Variants in LCAT observed in about 807,000 individuals in gnomAD.
LCAT encodes phosphatidylcholine-sterol acyltransferase.
Under a neutral mutation model 41.0 loss-of-function variants are expected in LCAT, and 15 were observed. The ratio of observed to expected loss-of-function variants is 0.37; its 90% CI spans 0.24 to 0.56. The LOEUF (loss-of-function observed/expected upper bound fraction) is 0.56, where lower values mean the gene tolerates loss of function less well. Ranked by LOEUF, LCAT falls within the 20% of genes least tolerant of loss-of-function variation. The pLI is 0.81. For missense variants in LCAT, 449 were observed against 595.1 expected (o/e 0.75, Z 2.55); for synonymous variants, 248 against 245.4 (o/e 1.01, Z -0.10).
In LCAT at chr16:67,940,277, A is replaced by G; in HGVS notation, c.950T>C (p.Met317Thr). 1 of 1,614,032 alleles carries G rather than the reference A, an allele frequency of 6.2e-7. No individual in the cohort carries two copies. The highest frequency in any genetic ancestry group is 8.5e-7 in the Non-Finnish European group (1 of 1,180,030). The stretch of plus-strand genomic sequence containing the variant: ...CAGGAGGTCACGTGACTGCAGCCAC[A>G]TGTACCAGCCTTCCTCAAAGTGCAG... ...ADLHFEEGWY[M>T]WLQSRDLLAG... The change falls in exon 6 of 6, where the codon ATG becomes ACG. Residue 317 changes from methionine (M) to threonine (T), a missense_variant. Transcript: ENST00000264005.
chr16:67,943,810 C>T lies in LCAT; in HGVS notation c.154+138G>A. On this transcript the variant is annotated intron_variant, in intron 1 of 5. Transcript: ENST00000264005. This position sits in a 1 kb window ranked among gnomAD's most constrained non-coding sequence, Gnocchi z 4.6. Reference sequence around the variant, plus strand: ...TTCCTCTAAGGGACAAGCTTTTGGCCCCTCCCCACACCAGGGCAGGTACTT... The same window carrying T: ...TTCCTCTAAGGGACAAGCTTTTGGCTCCTCCCCACACCAGGGCAGGTACTT... 2 of 803,944 alleles carry T rather than the reference C, an allele frequency of 2.5e-6. No homozygotes were observed. The highest frequency in any genetic ancestry group is 1.9e-6 in the Non-Finnish European group (1 of 517,446). The allele number at this position is 803,944 out of a possible 1,614,324, so 49.8% of individuals were successfully genotyped here. A position where few individuals can be genotyped will look rare whatever the true frequency, so the allele number is the denominator to read the frequency against.
rs988785013 is a variant in LCAT at position 67,943,717 on chromosome 16, C to T, written c.154+231G>A. On this transcript the variant is annotated intron_variant, in intron 1 of 5. Transcript: ENST00000264005. The surrounding 1 kb of genome is among the most constrained non-coding windows in gnomAD (Gnocchi z 4.6). ...CCCAGCCAAGACCTCAGGCACACCC[C>T]GTCCCCCACTCCGCCCCCCCTGGGT... 3.7e-5 allele frequency: 21 copies of T among 567,028 alleles called. No homozygotes were observed. The East Asian group carries it at 4.6e-4, about 13-fold the overall frequency. 35.1% of individuals were successfully genotyped at this position (567,028 alleles called of 1,614,324 possible). A position where few individuals can be genotyped will look rare whatever the true frequency, so the allele number is the denominator to read the frequency against.
Position 67,940,196 on chromosome 16 carries a change from G to T in LCAT, c.1031C>A (p.Pro344His), listed in dbSNP as rs771761885. Residue 344 changes from proline (P) to histidine (H), a missense_variant, in exon 6 of 6, where the codon CCC becomes CAC. By Grantham distance (77) the Pro-to-His change is moderately conservative (BLOSUM62 -2). Coordinates refer to ENST00000264005, the MANE Select transcript of LCAT (RefSeq NM_000229.2). ...EVYCLYGVGL[P>H]TPRTYIYDHG... ...GTCGTAGATGTAGGTGCGGGGCGTG[G>T]GCAGGCCCACGCCGTAAAGACAGTA... is the stretch of plus-strand genomic sequence containing the variant. 3 of 1,612,696 alleles carry T rather than the reference G, an allele frequency of 1.9e-6. No individual in the cohort carries two copies. Among genetic ancestry groups the T allele is most frequent in the Non-Finnish European group, 1.7e-6 (2 of 1,179,908 alleles).
At position 67,940,018 on chromosome 16, in the gene LCAT, G is replaced by A. The variant is rs2058283628; in HGVS notation, c.1209C>T (p.Asn403=). Residue 403 remains asparagine, a synonymous_variant, in exon 6 of 6, where the codon AAC becomes AAT. Coordinates refer to ENST00000264005, the MANE Select transcript of LCAT (RefSeq NM_000229.2). ...CCAGGGTCAGGTTGCTGAAGACCATGTTGAGATGCTGTATCCCGTGCAGGG... is the reference window on the plus strand; with the variant it reads ...CCAGGGTCAGGTTGCTGAAGACCATATTGAGATGCTGTATCCCGTGCAGGG... ...LLPLHGIQHL[N]MVFSNLTLEH... is the part of the protein sequence containing the mutation. 1 of 1,613,554 alleles carries A rather than the reference G, an allele frequency of 6.2e-7. No homozygotes were observed. Among genetic ancestry groups the A allele is most frequent in the South Asian group, 1.1e-5 (1 of 91,090 alleles).
intron 5 of LCAT, chr16:67,941,994 C>A (rs1430366960): frequency 8.3e-7 from 1 of 1,204,164 alleles, no homozygotes; most frequent in Non-Finnish European, 1.0e-6. Context: ...CTGGCCCTAG[C>A]TCTGGCAGAT....
intron 5 of LCAT, chr16:67,941,640 G>A (rs2151320430): frequency 8.1e-6 from 8 of 985,258 alleles, no homozygotes; most frequent in South Asian, 4.7e-5. Context: ...AGTAGGCGGG[G>A]CTTCCTGAGG....
At position 67,942,649 on chromosome 16, in the gene LCAT, G is replaced by A. The variant is rs186409655; in HGVS notation, c.523+22C>T. 1,041 of 1,612,788 alleles carry A rather than the reference G, an allele frequency of 6.5e-4. 19 individuals carry two copies. The East Asian group carries it at 0.022, about 33-fold the overall frequency. On this transcript the variant is annotated intron_variant, in intron 4 of 5. Transcript: ENST00000264005. This position sits in a 1 kb window ranked among gnomAD's most constrained non-coding sequence, Gnocchi z 6.6. The stretch of plus-strand genomic sequence containing the variant: ...TGGGGCACCTGCCCCACCCCAAGCC[G>A]GTCATCCGCAGAGACACTCACCGGG...
In LCAT at chr16:67,943,378, T is replaced by G; in HGVS notation, c.155-166A>C. 3.2e-6 allele frequency: 2 copies of G among 632,964 alleles called. No individual in the cohort carries two copies. Among genetic ancestry groups the G allele is most frequent in the East Asian group, 3.2e-5 (1 of 31,552 alleles). 39.2% of individuals were successfully genotyped at this position (632,964 alleles called of 1,614,324 possible). On this transcript the variant is annotated intron_variant, in intron 1 of 5. Coordinates refer to ENST00000264005, the MANE Select transcript of LCAT (RefSeq NM_000229.2). The surrounding 1 kb of genome is among the most constrained non-coding windows in gnomAD (Gnocchi z 4.6). The stretch of plus-strand genomic sequence containing the variant: ...CTGCTTACACCCCCTCTCCCTGCTG[T>G]CCCCCCAGTAGCCAAAGCCCAGGCT...
chr16:67,940,185 T>C lies in LCAT; in HGVS notation c.1042A>G (p.Thr348Ala). 1.2e-6 allele frequency: 2 copies of C among 1,611,868 alleles called. No individual in the cohort carries two copies. The highest frequency in any genetic ancestry group is 1.7e-6 in the Non-Finnish European group (2 of 1,179,630). ...GGGAAGCCGTGGTCGTAGATGTAGG[T>C]GCGGGGCGTGGGCAGGCCCACGCCG... is the stretch of plus-strand genomic sequence containing the variant. ...LYGVGLPTPR[T>A]YIYDHGFPYT... The change falls in exon 6 of 6, where the codon ACC becomes GCC. Residue 348 changes from threonine to alanine, a missense_variant. Transcript: ENST00000264005.
At chr16:67,941,015 T>C (rs771337729) in intron 5 of LCAT, among the ~76,000 whole-genome samples, 2 of 150,614 alleles carry the variant, frequency 1.3e-5, no homozygotes, top group Non-Finnish European at 3.0e-5. Context: ...AAAAAATAAA[T>C]AAATAGGGCC....
In LCAT at chr16:67,943,737, CT is replaced by C. The variant is rs773773206; in HGVS notation, c.154+210del. ...CACCCCGTCCCCCACTCCGCCCCCC[CT>C]GGGTTAGACAACTGAGAGTCACAGT... On this transcript the variant is annotated intron_variant, in intron 1 of 5. Transcript: ENST00000264005. This position sits in a 1 kb window ranked among gnomAD's most constrained non-coding sequence, Gnocchi z 4.6. The C allele has an allele frequency of 9.2e-4, 541 of 587,146 alleles. 4 individuals carry two copies. The highest frequency in any genetic ancestry group is 1.1e-3 in the Non-Finnish European group (358 of 337,210). 36.4% of individuals were successfully genotyped at this position (587,146 alleles called of 1,614,324 possible).
chr16:67,942,267 CT>C lies in LCAT; in HGVS notation c.748+95del. On this transcript the variant is annotated intron_variant, in intron 5 of 5. Transcript: ENST00000264005. The surrounding 1 kb of genome is among the most constrained non-coding windows in gnomAD (Gnocchi z 6.6). ...AGCCCAGGAGTGGTAGATAGCACCC[CT>C]AGAGGCCACTGTGAGCAGGAGCCGC... The C allele has an allele frequency of 1.4e-6, 2 of 1,392,006 alleles. No individual in the cohort carries two copies. The allele number at this position is 1,392,006 out of a possible 1,614,324, so 86.2% of individuals were successfully genotyped here.
intron 5 of LCAT, chr16:67,941,681 C>T (rs953864550): frequency 4.4e-5 from 44 of 994,348 alleles, no homozygotes; most frequent in Non-Finnish European, 5.3e-5. Context: ...TGGGTGAGGC[C>T]CAGGATGTGT....
At chr16:67,941,631 G>A (rs1276643271) in intron 5 of LCAT, 2 of 984,774 alleles carry the variant, frequency 2.0e-6, no homozygotes, top group Admixed American at 1.2e-4. Flanking sequence ...AAAAAAAAAA[G>A]TAGGCGGGGC....
chr16:67,942,310 G>A lies in LCAT; in HGVS notation c.748+53C>T. Reference sequence around the variant, plus strand: ...AGGAGCCGCAATGAAGGCAGGCCCAGGATCAGCTTGGTCTCACCCATCGCT... The same window carrying A: ...AGGAGCCGCAATGAAGGCAGGCCCAAGATCAGCTTGGTCTCACCCATCGCT... On this transcript the variant is annotated intron_variant, in intron 5 of 5. Transcript: ENST00000264005. The surrounding 1 kb of genome is among the most constrained non-coding windows in gnomAD (Gnocchi z 6.6). 2 of 1,576,640 alleles carry A rather than the reference G, an allele frequency of 1.3e-6. No individual in the cohort carries two copies. Among genetic ancestry groups the A allele is most frequent in the East Asian group, 4.5e-5 (2 of 44,638 alleles).
intron 5 of LCAT, chr16:67,941,847 C>G: frequency 9.5e-7 from 1 of 1,057,194 alleles, no homozygotes; most frequent in Non-Finnish European, 1.1e-6. Context: ...GTCTGATGAG[C>G]GTTTCTCTTG....
At chr16:67,940,650 T>G in intron 5 of LCAT, 172 bp from the exon 6 acceptor site, 1 of 1,163,800 alleles carries the variant, frequency 8.6e-7, no homozygotes, top group African/African-American at 1.5e-5. Context: ...CAGTGTCAGC[T>G]TACTCAATGA....
At chr16:67,941,700 T>C (rs2058291732) in intron 5 of LCAT, 1 of 993,578 alleles carries the variant, frequency 1.0e-6, no homozygotes, top group African/African-American at 1.7e-5. Flanking sequence ...GTGGGGATGG[T>C]GGGGGCGGTG....
chr16:67,942,223 C>T lies in LCAT; in HGVS notation c.748+140G>A, dbSNP rs2058295169. ...AGGCCAGGGTCACTGCTCTGGGGGC[C>T]AGTGACAGCAAGCATGCCAGCCCAG... On this transcript the variant is annotated intron_variant, in intron 5 of 5. Coordinates refer to ENST00000264005, the MANE Select transcript of LCAT (RefSeq NM_000229.2). The surrounding 1 kb of genome is among the most constrained non-coding windows in gnomAD (Gnocchi z 6.6). The T allele has an allele frequency of 2.4e-6, 3 of 1,275,420 alleles. No homozygotes were observed. The East Asian group carries it at 7.6e-5, about 32-fold the overall frequency. The allele number at this position is 1,275,420 out of a possible 1,614,324, so 79.0% of individuals were successfully genotyped here.
Sources: allele counts gnomAD v4.1 joint callset (sites outside exome capture counted in the v4.1 genomes callset), GRCh38; gene constraint gnomAD v4.1.1; non-coding constraint Gnocchi (gnomAD v3.1); transcripts MANE v1.5; gene names NCBI Gene and HGNC (gene_info 2026-07-23, HGNC 2026-07-21).